The following CWC27 variants were observed in gnomAD, a reference collection of about 807,000 sequenced individuals.
CWC27 encodes spliceosome-associated protein CWC27 homolog.
CWC27 carries 47 observed loss-of-function variants against 63.6 expected under a neutral mutation model. The ratio of observed to expected loss-of-function variants is 0.74; its 90% CI spans 0.58 to 0.94. The LOEUF (loss-of-function observed/expected upper bound fraction) is 0.94. Among genes scored for constraint, CWC27 ranks in the 40% least tolerant of loss-of-function variants. CWC27 has a pLI of 0.00. For missense variants in CWC27, 495 were observed against 554.3 expected (o/e 0.89, Z 1.07); for synonymous variants, 175 against 179.8 (o/e 0.97, Z 0.22).
intron 11 of CWC27, among the ~76,000 whole-genome samples, chr5:64,945,863 C>A (rs890061575): frequency 6.6e-6 from 1 of 152,096 alleles, no homozygotes; most frequent in South Asian, 2.1e-4. Flanking sequence ...GGTTTTTTAA[C>A]CTGTCATTTG....
intron 13 of CWC27, among the ~76,000 whole-genome samples, chr5:65,009,586 G>A (rs1464813263): frequency 6.6e-6 from 1 of 152,126 alleles, no homozygotes; most frequent in Non-Finnish European, 1.5e-5. Context: ...GGTCATGAGG[G>A]TGCCCCCGCT....
intron 11 of CWC27, among the ~76,000 whole-genome samples, chr5:64,913,139 C>G (rs1045149061): frequency 1.3e-5 from 2 of 151,828 alleles, no homozygotes; most frequent in African/African-American, 4.8e-5. Context: ...TTAATAGAAC[C>G]AAAGGAAAAA....
At chr5:64,808,003 C>T (rs1580625581) in intron 10 of CWC27, 1 of 1,384,518 alleles carries the variant, frequency 7.2e-7, no homozygotes, top group Non-Finnish European at 9.3e-7. Flanking sequence ...TGGCTACTTT[C>T]CATTTTTTTT....
At chr5:64,988,318 C>G (rs1749473101) in intron 13 of CWC27, among the ~76,000 whole-genome samples, 1 of 152,116 alleles carries the variant, frequency 6.6e-6, no homozygotes, top group African/African-American at 2.4e-5. Flanking sequence ...ATTGTCTTTT[C>G]CCGTGCAAGT....
intron 7 of CWC27, among the ~76,000 whole-genome samples, chr5:64,796,748 C>T (rs1744280930): frequency 1.2e-5 from 1 of 85,118 alleles, no homozygotes; most frequent in Non-Finnish European, 2.4e-5. Flanking sequence ...CTTCCTCCTC[C>T]CTCCCTCCCT....
intron 10 of CWC27, among the ~76,000 whole-genome samples, chr5:64,875,351 G>A (rs1293023185): frequency 6.6e-6 from 1 of 152,016 alleles, no homozygotes; most frequent in Non-Finnish European, 1.5e-5. Context: ...TATGGATATA[G>A]TCTTTTTATT....
chr5:64,812,851 G>A (rs1744915958), intron 10 of CWC27, among the ~76,000 whole-genome samples: 1 of 152,142 alleles, frequency 6.6e-6, no homozygotes, highest in African/African-American at 2.4e-5. Context: ...TTACAATTCA[G>A]TATGACAAGC....
chr5:64,907,308 G>A (rs1747669263), intron 11 of CWC27, among the ~76,000 whole-genome samples: 2 of 152,192 alleles, frequency 1.3e-5, no homozygotes, highest in Non-Finnish European at 2.9e-5. Context: ...AGCATGGAAT[G>A]TTCTTCCATT....
At chr5:64,775,506 A>C (rs900356785) in intron 2 of CWC27, among the ~76,000 whole-genome samples, 1 of 152,060 alleles carries the variant, frequency 6.6e-6, no homozygotes, top group Non-Finnish European at 1.5e-5. Context: ...CCACTTTCAT[A>C]CATGTCCTCA....
chr5:64,775,350 T>C (rs1743404442), intron 2 of CWC27, among the ~76,000 whole-genome samples: 1 of 152,186 alleles, frequency 6.6e-6, no homozygotes, highest in South Asian at 2.1e-4. Context: ...CTGTCTTTCA[T>C]CCTTAATTTC....
Position 65,018,303 on chromosome 5 carries a change from G to A in CWC27, c.1401G>A (p.Glu467=). The A allele has an allele frequency of 6.3e-7, 1 of 1,590,676 alleles. No individual in the cohort carries two copies. Among genetic ancestry groups the A allele is most frequent in the Admixed American group, 1.9e-5 (1 of 53,136 alleles). ...AAGAAAGCAAAAAGCTGATGAGAGAGAAAAAAGAAAGAAGATAAAATGAGA... is the reference window on the plus strand; with the variant it reads ...AAGAAAGCAAAAAGCTGATGAGAGAAAAAAAAGAAAGAAGATAAAATGAGA... The part of the protein sequence containing the change: ...RREESKKLMR[E]KKERR The change falls in exon 14 of 14, where the codon GAG becomes GAA. Residue 467 remains glutamate (E), a synonymous_variant. Coordinates refer to ENST00000381070, the MANE Select transcript of CWC27 (RefSeq NM_005869.4).
At chr5:64,952,900 T>C in intron 11 of CWC27, among the ~76,000 whole-genome samples, 1 of 152,114 alleles carries the variant, frequency 6.6e-6, no homozygotes, top group East Asian at 1.9e-4. Flanking sequence ...ATTTGAGACT[T>C]CAGGAGACTG....
chr5:64,975,824 G>A (rs1749218882), intron 12 of CWC27, among the ~76,000 whole-genome samples: 1 of 152,140 alleles, frequency 6.6e-6, no homozygotes, highest in African/African-American at 2.4e-5. Flanking sequence ...CAACACTTTG[G>A]GAGGCCAAGG....
At chr5:64,891,761 C>T (rs548437450) in intron 11 of CWC27, among the ~76,000 whole-genome samples, 2 of 144,882 alleles carry the variant, frequency 1.4e-5, no homozygotes, top group South Asian at 4.5e-4. Context: ...CCTAGTGTTG[C>T]TTGGGATACT....
chr5:64,773,409 T>C (rs757300548), intron 1 of CWC27, among the ~76,000 whole-genome samples: 3 of 152,148 alleles, frequency 2.0e-5, no homozygotes, highest in African/African-American at 4.8e-5. Flanking sequence ...AATAGGCAAA[T>C]CTACACAGAC....
chr5:64,943,709 T>C (rs931952941), intron 11 of CWC27, among the ~76,000 whole-genome samples: 6 of 152,168 alleles, frequency 3.9e-5, no homozygotes, highest in Non-Finnish European at 8.8e-5. Flanking sequence ...AGATTTCTTC[T>C]CATGGTCATA....
At chr5:64,903,123 C>T (rs1421686377) in intron 11 of CWC27, among the ~76,000 whole-genome samples, 1 of 152,140 alleles carries the variant, frequency 6.6e-6, no homozygotes, top group Non-Finnish European at 1.5e-5. Context: ...GTGGCAATTC[C>T]TCAAGGATCT....
At chr5:64,868,757 G>C (rs922653309) in intron 10 of CWC27, among the ~76,000 whole-genome samples, 8 of 151,684 alleles carry the variant, frequency 5.3e-5, no homozygotes, top group Non-Finnish European at 1.2e-4. Context: ...TTTTTGTATT[G>C]AGTGTGAAAT....
chr5:64,811,621 C>G (rs1446113383), intron 10 of CWC27, among the ~76,000 whole-genome samples: 1 of 152,050 alleles, frequency 6.6e-6, no homozygotes, highest in South Asian at 2.1e-4. Flanking sequence ...ACTTTATCAG[C>G]CATGTTCTAC....
Sources: gnomAD v4.1 joint callset for allele counts (sites outside exome capture counted in the v4.1 genomes callset) on GRCh38, gnomAD v4.1.1 for gene constraint, MANE v1.5 for transcripts, NCBI Gene and HGNC (gene_info 2026-07-23, HGNC 2026-07-21) for gene names.